The following HIBCH variants were observed in gnomAD, a reference collection of about 807,000 sequenced individuals.
HIBCH encodes the protein 3-hydroxyisobutyryl-CoA hydrolase, mitochondrial.
HIBCH carries 50 observed loss-of-function variants against 58.2 expected under a neutral mutation model. The observed-to-expected ratio is 0.86, with a 90% CI of 0.68 to 1.09. The LOEUF is 1.09. Among genes scored for constraint, HIBCH ranks in the 50% least tolerant of loss-of-function variants. The pLI is 0.00. For missense variants in HIBCH, 450 were observed against 449.7 expected (o/e 1.00, Z -0.01); for synonymous variants, 151 against 146.9 (o/e 1.03, Z -0.20).
intron 2 of HIBCH, among the ~76,000 whole-genome samples, chr2:190,302,196 C>G (rs1320191223): frequency 6.6e-6 from 1 of 152,196 alleles, no homozygotes. Flanking sequence ...GAAACACAGC[C>G]TCTGGCAGAA....
chr2:190,199,570 A>AAAAAAGTTTTCCTATTTT, downstream of HIBCH: 3 of 382,660 alleles, frequency 7.8e-6, no homozygotes, highest in South Asian at 1.5e-4. Context: ...GATAAGATAA[A>AAAAAAGTTTTCCTATTTT]GCTGTTTGTT....
intron 6 of HIBCH, among the ~76,000 whole-genome samples, chr2:190,271,611 A>G (rs1687404356): frequency 6.6e-6 from 1 of 151,954 alleles, no homozygotes; most frequent in Non-Finnish European, 1.5e-5. Flanking sequence ...TTTAATCACC[A>G]TGATCTCTCA....
At chr2:190,319,683 A>G in intron 1 of HIBCH, 33 bp downstream of exon 1, 4 of 1,569,470 alleles carry the variant, frequency 2.5e-6, no homozygotes, top group Non-Finnish European at 3.5e-6. Context: ...GCCGCTGAAG[A>G]GCCTGCCCTT....
At chr2:190,265,382 CTATCTGGG>C (rs2105957232) in intron 6 of HIBCH, among the ~76,000 whole-genome samples, 1 of 150,782 alleles carries the variant, frequency 6.6e-6, no homozygotes, top group East Asian at 1.9e-4. Flanking sequence ...GGTTTATTAG[CTATCTGGG>C]TATCCTCTTT....
chr2:190,194,046 A>G (rs1025758194), intron 1 of HIBCH, among the ~76,000 whole-genome samples: 2 of 152,136 alleles, frequency 1.3e-5, no homozygotes, highest in African/African-American at 4.8e-5. Context: ...CCCATGGGTT[A>G]TTTAGAAATA....
intron 6 of HIBCH, among the ~76,000 whole-genome samples, chr2:190,266,490 G>A (rs944560884): frequency 7.2e-5 from 11 of 152,144 alleles, no homozygotes; most frequent in African/African-American, 2.7e-4. Context: ...CTGAAGTGCA[G>A]TGGCGTGACC....
chr2:190,276,740 A>C (rs1410886265), intron 6 of HIBCH, among the ~76,000 whole-genome samples: 1 of 152,224 alleles, frequency 6.6e-6, no homozygotes, highest in East Asian at 1.9e-4. Context: ...ACTGTGAGCC[A>C]AATAAAATAC....
At chr2:190,273,509 A>G (rs1157610081) in intron 6 of HIBCH, among the ~76,000 whole-genome samples, 1 of 152,256 alleles carries the variant, frequency 6.6e-6, no homozygotes, top group African/African-American at 2.4e-5. Flanking sequence ...ACCGCTCTCT[A>G]TCAAAACAAG....
At chr2:190,218,519 TG>T (rs1334043517) in intron 11 of HIBCH, among the ~76,000 whole-genome samples, 1 of 152,098 alleles carries the variant, frequency 6.6e-6, no homozygotes, top group African/African-American at 2.4e-5. Context: ...CTAGAACTCC[TG>T]GTCTTACTAC....
rs1690043829 is a variant in HIBCH, at chr2:190,197,667, G to C, written c.*17+7433C>G. ...GACCATCTGTGGGATTTAACATCTT[G>C]TGTTTTTCTTCTCTCAGGGATCACA... is the stretch of plus-strand genomic sequence containing the variant. On this transcript the variant is annotated intron_variant, in intron 1 of 1. Coordinates refer to the HIBCH transcript ENST00000399855. This position sits in a 1 kb window ranked among gnomAD's most constrained non-coding sequence, Gnocchi z 4.0. Among the ~76,000 whole-genome samples the C allele has an allele frequency of 6.6e-6, 1 of 152,136 alleles. No homozygotes were observed. Among genetic ancestry groups the C allele is most frequent in the South Asian group, 2.1e-4 (1 of 4,822 alleles).
intron 6 of HIBCH, among the ~76,000 whole-genome samples, chr2:190,273,438 T>A (rs1445193936): frequency 6.6e-6 from 1 of 151,734 alleles, no homozygotes; most frequent in Non-Finnish European, 1.5e-5. Context: ...CAATCCTAAC[T>A]CTCCCCTAAT....
At chr2:190,287,563 A>G (rs1473049723) in intron 6 of HIBCH, 23 bp downstream of exon 6, 5 of 1,482,440 alleles carry the variant, frequency 3.4e-6, no homozygotes, top group Non-Finnish European at 4.7e-6. Context: ...TCATACAATG[A>G]TCAGAGTAAA....
chr2:190,242,543 C>A lies in HIBCH; in HGVS notation c.891+2344G>T, dbSNP rs368801459. 6.6e-5 allele frequency among the ~76,000 whole-genome samples: 10 copies of A among 152,226 alleles called. No homozygotes were observed. In the East Asian group the frequency reaches 9.7e-4, roughly 15 times the overall value. ...TTCAGCATTGTTGCACTGGCTTTTC[C>A]TCATCTTCGTGTGTTTATCTACCTT... On this transcript the variant is annotated intron_variant, in intron 11 of 13. Coordinates refer to ENST00000359678, the MANE Select transcript of HIBCH (RefSeq NM_014362.4).
intron 1 of HIBCH, among the ~76,000 whole-genome samples, chr2:190,319,374 A>G (rs1250303563): frequency 6.6e-6 from 1 of 152,244 alleles, no homozygotes; most frequent in South Asian, 2.1e-4. Flanking sequence ...CATGCCGCAC[A>G]GTTCCGCTAA....
At chr2:190,200,167 C>CTT, downstream of HIBCH, 3 of 1,602,846 alleles carry the variant, frequency 1.9e-6, no homozygotes, top group Admixed American at 1.7e-5. Context: ...GATGACAACA[C>CTT]TTTGACTGTG....
rs12621421 is a variant in HIBCH, at chr2:190,292,176, T to C, written c.305-1691A>G. The stretch of plus-strand genomic sequence containing the variant: ...TTTTGTATTTTTAGTAGAGAGGGGT[T>C]TCACTATATTGGCCAGGCCGGTCTC... On this transcript the variant is annotated intron_variant, in intron 4 of 13. Coordinates refer to ENST00000359678, the MANE Select transcript of HIBCH (RefSeq NM_014362.4). Among the ~76,000 whole-genome samples the C allele has an allele frequency of 4.0e-3, 612 of 151,908 alleles. 9 individuals carry two copies. Among genetic ancestry groups the C allele is most frequent in the African/African-American group, 0.014 (586 of 41,438 alleles).
chr2:190,319,038 C>G (rs947410404), intron 1 of HIBCH, among the ~76,000 whole-genome samples: 1 of 152,136 alleles, frequency 6.6e-6, no homozygotes, highest in Non-Finnish European at 1.5e-5. Context: ...AAGGACGGTT[C>G]TCCCTTCAAG....
At chr2:190,235,581 C>T (rs566048791) in intron 11 of HIBCH, among the ~76,000 whole-genome samples, 3 of 152,306 alleles carry the variant, frequency 2.0e-5, no homozygotes, top group South Asian at 4.1e-4. Flanking sequence ...TCACAGAATT[C>T]AAGCAGTTAA....
intron 1 of HIBCH, among the ~76,000 whole-genome samples, chr2:190,192,156 T>TG (rs754401750): frequency 6.6e-6 from 1 of 152,074 alleles, no homozygotes; most frequent in Non-Finnish European, 1.5e-5. Context: ...TAGATTTTGG[T>TG]GGGGGGAGAG....
Sources: allele counts gnomAD v4.1 joint callset (sites outside exome capture counted in the v4.1 genomes callset), GRCh38; gene constraint gnomAD v4.1.1; non-coding constraint Gnocchi (gnomAD v3.1); transcripts MANE v1.5; gene names NCBI Gene and HGNC (gene_info 2026-07-23, HGNC 2026-07-21).